The following ABCC10 variants were observed in gnomAD, a reference collection of about 807,000 sequenced individuals.
ABCC10 encodes ATP binding cassette subfamily C member 10.
In ABCC10, 110 loss-of-function variants were observed where a neutral mutation model predicts 143.2. The ratio of observed to expected loss-of-function variants is 0.77; its 90% CI spans 0.66 to 0.90. ABCC10 has a LOEUF of 0.90. Among genes scored for constraint, ABCC10 ranks in the 40% least tolerant of loss-of-function variants. The pLI, the probability that ABCC10 is intolerant of heterozygous loss-of-function variation, is 0.00. For missense variants in ABCC10, 1,700 were observed against 1,900.5 expected (o/e 0.89, Z 1.96); for synonymous variants, 805 against 846.7 (o/e 0.95, Z 0.85).
chr6:43,440,646 G>T (rs1782296320), intron 8 of ABCC10, among the ~76,000 whole-genome samples: 1 of 151,760 alleles, frequency 6.6e-6, no homozygotes, highest in Admixed American at 6.6e-5. Context: ...GGCAGATCAT[G>T]AGGTCAGGAG....
intron 9 of ABCC10, among the ~76,000 whole-genome samples, chr6:43,442,510 G>A (rs571387367): frequency 3.9e-5 from 6 of 152,254 alleles, no homozygotes; most frequent in Non-Finnish European, 7.4e-5. Flanking sequence ...GGCAGAGGTT[G>A]CAGTGAGCCA....
chr6:43,432,331 G>A lies in ABCC10; in HGVS notation c.351G>A (p.Leu117=), dbSNP rs1781225519. The A allele has an allele frequency of 1.9e-6, 3 of 1,614,064 alleles. No individual in the cohort carries two copies. Among genetic ancestry groups the A allele is most frequent in the South Asian group, 1.1e-5 (1 of 91,088 alleles). Residue 117 remains leucine, a synonymous_variant, in exon 3 of 22, where the codon CTG becomes CTA. Transcript: ENST00000372530. ...CTGTGGCCTGGATCAGCCACAGCCT[G>A]GCCCTGTGGGTGTTGGCACATTCCC... is the stretch of plus-strand genomic sequence containing the variant. ...VAAVAWISHS[L]ALWVLAHSPH...
chr6:43,435,791 C>G lies in ABCC10; in HGVS notation c.1649C>G (p.Pro550Arg), dbSNP rs1242902789. 1 of 1,614,222 alleles carries G rather than the reference C, an allele frequency of 6.2e-7. No homozygotes were observed. The highest frequency in any genetic ancestry group is 1.7e-5 in the Admixed American group (1 of 60,020). The change falls in exon 5 of 22, where the codon CCT (proline) becomes CGT (arginine). Residue 550 changes from proline to arginine, a missense_variant. By Grantham distance (103) the Pro-to-Arg change is moderately radical (BLOSUM62 -2). Transcript: ENST00000372530. ...GCACTGGTGCGAATGCTCATTCTTC[C>G]TCTCAACAACTTCCCTTGGGTGATC... ...ALALVRMLILPLNNFPWVING... is the reference protein window; with the variant it reads ...ALALVRMLILRLNNFPWVING...
chr6:43,439,824 T>A (rs566136143), intron 8 of ABCC10, among the ~76,000 whole-genome samples: 1 of 152,228 alleles, frequency 6.6e-6, no homozygotes, highest in African/African-American at 2.4e-5. Flanking sequence ...CCTTGTGATC[T>A]GCCCACCTTG....
rs41271273 is a variant in ABCC10, at chr6:43,432,348, C to A, written c.368C>A (p.Ala123Glu). The stretch of plus-strand genomic sequence containing the variant: ...CACAGCCTGGCCCTGTGGGTGTTGG[C>A]ACATTCCCCTCATGGCCACTCCCGG... ...ISHSLALWVLAHSPHGHSRGP... is the reference protein window; with the variant it reads ...ISHSLALWVLEHSPHGHSRGP... The change falls in exon 3 of 22, where the codon GCA becomes GAA. Residue 123 changes from alanine (A) to glutamate (E), a missense_variant. Physicochemically the swap from Ala to Glu is moderately radical, Grantham distance 107 (BLOSUM62 -1). Coordinates refer to ENST00000372530, the MANE Select transcript of ABCC10 (RefSeq NM_001198934.2). The A allele has an allele frequency of 6.2e-7, 1 of 1,613,832 alleles. No individual in the cohort carries two copies.
chr6:43,450,461 G>A, downstream of ABCC10: 1 of 1,475,360 alleles, frequency 6.8e-7, no homozygotes, highest in Non-Finnish European at 9.1e-7. The surrounding 1 kb of genome is among the most constrained non-coding windows in gnomAD (Gnocchi z 4.5). Flanking sequence ...TACCCAAGCT[G>A]AAGGGTGGTG....
At chr6:43,430,573 G>T (rs1392182716) in intron 2 of ABCC10, among the ~76,000 whole-genome samples, 2 of 151,882 alleles carry the variant, frequency 1.3e-5, no homozygotes, top group Non-Finnish European at 2.9e-5. Context: ...CCAGCCTGGC[G>T]ACAGAGCAAG....
chr6:43,442,930 T>G (rs1184725863), intron 9 of ABCC10, 40 bp from the exon 10 acceptor site: 1 of 1,509,828 alleles, frequency 6.6e-7, no homozygotes, highest in South Asian at 1.3e-5. Context: ...CCGGAGAGCC[T>G]TTGGGTCCTG....
At chr6:43,444,138 C>T in intron 11 of ABCC10, 21 bp from the exon 12 acceptor site, 1 of 1,611,152 alleles carries the variant, frequency 6.2e-7, no homozygotes, top group Non-Finnish European at 8.5e-7. Context: ...TTAATTCTTC[C>T]ATGACCCCTG....
chr6:43,440,197 TCCGC>T (rs1209201737), intron 8 of ABCC10, among the ~76,000 whole-genome samples: 1 of 151,908 alleles, frequency 6.6e-6, no homozygotes, highest in Non-Finnish European at 1.5e-5. Flanking sequence ...GCTCAAGTGA[TCCGC>T]CCGCCTTGGC....
At chr6:43,442,537 C>T (rs553840073) in intron 9 of ABCC10, among the ~76,000 whole-genome samples, 1 of 152,244 alleles carries the variant, frequency 6.6e-6, no homozygotes, top group South Asian at 2.1e-4. Context: ...CACCATTGCA[C>T]TCCAGCCTGG....
chr6:43,451,979 C>G, downstream of ABCC10: 1 of 1,614,214 alleles, frequency 6.2e-7, no homozygotes, highest in East Asian at 2.2e-5. This position sits in a 1 kb window ranked among gnomAD's most constrained non-coding sequence, Gnocchi z 4.4. Flanking sequence ...CTCGCAGTCA[C>G]GCCCATGGAA....
At position 43,435,838 on chromosome 6, in the gene ABCC10, G is replaced by A. The variant is rs1781642423; in HGVS notation, c.1696G>A (p.Val566Met). 6.2e-6 allele frequency: 10 copies of A among 1,614,204 alleles called. No homozygotes were observed. The highest frequency in any genetic ancestry group is 1.1e-5 in the South Asian group (1 of 91,090). Residue 566 changes from valine to methionine, a missense_variant, in exon 5 of 22, where the codon GTG becomes ATG. Transcript: ENST00000372530. ...GATCAATGGTCTCCTGGAGGCCAAA[G>A]TGTCCTTGGACCGGATCCAGCTTTT... ...WVINGLLEAK[V>M]SLDRIQLFLD...
chr6:43,438,377 G>T, intron 7 of ABCC10: 1 of 1,419,950 alleles, frequency 7.0e-7, no homozygotes, highest in South Asian at 1.6e-5. Context: ...TCTCCACTGA[G>T]CTCCTGAACA....
rs1780655051 is a variant in ABCC10 at position 43,427,721 on chromosome 6, G to C, written c.-48G>C. 2 of 574,050 alleles carry C rather than the reference G, an allele frequency of 3.5e-6. No individual in the cohort carries two copies. The highest frequency in any genetic ancestry group is 6.3e-6 in the Non-Finnish European group (2 of 319,174). The allele number at this position is 574,050 out of a possible 1,614,324, so 35.6% of individuals were successfully genotyped here. ...TCAGGTTTGAGGTTCCGGATGCCTG[G>C]GGGCGGAGAAACGGGAGGGGAAAAA... On this transcript the variant is annotated 5_prime_UTR_variant, in exon 1 of 22. Transcript: ENST00000372530.
chr6:43,448,129 C>T, intron 18 of ABCC10, 192 bp downstream of exon 18: 2 of 903,976 alleles, frequency 2.2e-6, no homozygotes, highest in South Asian at 1.4e-5. Context: ...GGCTGGTGAT[C>T]TCAAGGTCTT....
chr6:43,438,817 C>T (rs200401461), intron 8 of ABCC10, 22 bp downstream of exon 8: 3 of 1,611,490 alleles, frequency 1.9e-6, no homozygotes, highest in Non-Finnish European at 2.5e-6. Flanking sequence ...GCCTTGAAAC[C>T]TCTTAGCTGC....
intron 15 of ABCC10, 115 bp from the exon 16 acceptor site, chr6:43,446,162 A>G: frequency 7.4e-7 from 1 of 1,348,572 alleles, no homozygotes; most frequent in Non-Finnish European, 1.0e-6. Flanking sequence ...CTGTGGGTAT[A>G]CAGACCAGCT....
chr6:43,440,898 A>T (rs1222930552), intron 8 of ABCC10, among the ~76,000 whole-genome samples: 2 of 143,564 alleles, frequency 1.4e-5, no homozygotes, highest in Non-Finnish European at 3.0e-5. Context: ...CCAGGGCAAT[A>T]TGGTAAAATC....
Sources: allele counts gnomAD v4.1 joint callset (sites outside exome capture counted in the v4.1 genomes callset), GRCh38; gene constraint gnomAD v4.1.1; non-coding constraint Gnocchi (gnomAD v3.1); transcripts MANE v1.5; gene names NCBI Gene and HGNC (gene_info 2026-07-23, HGNC 2026-07-21).